FKTN: variants seen among roughly 807,000 people sequenced by gnomAD.
FKTN encodes fukutin.
In FKTN, 47 loss-of-function variants were observed where a neutral mutation model predicts 58.6. The observed-to-expected ratio is 0.80, with a 90% CI of 0.63 to 1.02. FKTN has a LOEUF of 1.02. FKTN is among the 50% of genes least tolerant of loss of function. The probability of loss-of-function intolerance (pLI) is 0.00; values close to 1 mark genes in which losing one functional copy is unlikely to be tolerated. For synonymous variants in FKTN, 178 were observed against 191.9 expected (o/e 0.93, Z 0.60); for missense variants, 516 against 537.3 (o/e 0.96, Z 0.39).
At chr9:105,583,154 G>A (rs1843322014) in intron 3 of FKTN, among the ~76,000 whole-genome samples, 1 of 152,188 alleles carries the variant, frequency 6.6e-6, no homozygotes. Flanking sequence ...TGGGTGTCAG[G>A]TCAGCTTACC....
chr9:105,601,412 T>C, intron 5 of FKTN, 64 bp downstream of exon 5: 1 of 1,158,368 alleles, frequency 8.6e-7, no homozygotes, highest in East Asian at 2.3e-5. Flanking sequence ...AGGTTTAGGC[T>C]AGTTTAAAAT....
intron 1 of FKTN, among the ~76,000 whole-genome samples, chr9:105,566,040 T>A (rs1424881862): frequency 2.6e-5 from 4 of 152,214 alleles, no homozygotes; most frequent in Non-Finnish European, 5.9e-5. Context: ...AACCTGCTCC[T>A]GAATGACTAC....
chr9:105,613,520 G>A (rs1200220492), intron 7 of FKTN, among the ~76,000 whole-genome samples: 1 of 152,172 alleles, frequency 6.6e-6, no homozygotes, highest in Non-Finnish European at 1.5e-5. Flanking sequence ...TTAGGATGTT[G>A]CAGGCCTGGG....
At chr9:105,610,531 A>T (rs970695065) in intron 7 of FKTN, among the ~76,000 whole-genome samples, 3 of 151,910 alleles carry the variant, frequency 2.0e-5, no homozygotes, top group African/African-American at 7.3e-5. Flanking sequence ...ATCTTCCAAC[A>T]CATGTCCTCC....
intron 4 of FKTN, among the ~76,000 whole-genome samples, chr9:105,600,505 G>T (rs1237595456): frequency 2.6e-5 from 4 of 151,710 alleles, no homozygotes; most frequent in African/African-American, 9.7e-5. Flanking sequence ...TTGAATTTTT[G>T]TTTTTTTCAG....
chr9:105,592,951 C>T (rs1845170567), intron 3 of FKTN, among the ~76,000 whole-genome samples: 1 of 152,214 alleles, frequency 6.6e-6, no homozygotes. Flanking sequence ...TTGCCTATTA[C>T]CCAGTTCCAA....
At chr9:105,629,129 C>T (rs772275037) in intron 10 of FKTN, among the ~76,000 whole-genome samples, 16 of 151,978 alleles carry the variant, frequency 1.1e-4, no homozygotes, top group African/African-American at 2.4e-4. Context: ...GGGGAAGACC[C>T]GGTGAGAGGA....
In FKTN at chr9:105,639,001, T is replaced by C. The variant is rs1834246783; in HGVS notation, c.*3737T>C. On this transcript the variant is annotated 3_prime_UTR_variant, in exon 11 of 11. Transcript: ENST00000357998. ...CTTCAGTCTAAAATCTCACCCAAAC[T>C]TATGGCTACATATTTTTCTAAGTTT... is the stretch of plus-strand genomic sequence containing the variant. The C allele has an allele frequency of 1.0e-6, 1 of 985,250 alleles. No homozygotes were observed. The highest frequency in any genetic ancestry group is 1.7e-5 in the African/African-American group (1 of 57,224). 61.0% of individuals were successfully genotyped at this position (985,250 alleles called of 1,614,324 possible).
At chr9:105,579,568 G>GGA (rs1279666033) in intron 3 of FKTN, among the ~76,000 whole-genome samples, 2 of 151,146 alleles carry the variant, frequency 1.3e-5, no homozygotes, top group African/African-American at 4.9e-5. Flanking sequence ...CATTTGCTGA[G>GGA]GAGAGCTTTA....
intron 10 of FKTN, chr9:105,623,099 C>T (rs1832236628): frequency 6.6e-6 from 1 of 152,098 alleles, no homozygotes; most frequent in Admixed American, 6.6e-5. Context: ...ACTATGCCTC[C>T]AGAATGTGAA....
Position 105,639,554 on chromosome 9 carries a change from T to C in FKTN, c.*4290T>C, listed in dbSNP as rs1588333768. The C allele has an allele frequency of 1.0e-6, 1 of 976,308 alleles. No individual in the cohort carries two copies. Among genetic ancestry groups the C allele is most frequent in the East Asian group, 1.1e-4 (1 of 8,768 alleles). 60.5% of individuals were successfully genotyped at this position (976,308 alleles called of 1,614,324 possible). On this transcript the variant is annotated 3_prime_UTR_variant, in exon 11 of 11. Coordinates refer to ENST00000357998, the MANE Select transcript of FKTN (RefSeq NM_001079802.2). Reference sequence around the variant, plus strand: ...ATGTGCAATTTTCTAGTTCCATGTTTCTTTTCTAATCTTCAAATGGAATTA... The same window carrying C: ...ATGTGCAATTTTCTAGTTCCATGTTCCTTTTCTAATCTTCAAATGGAATTA...
rs1366758117 is a variant in FKTN, at chr9:105,639,190, C to A, written c.*3926C>A. On this transcript the variant is annotated 3_prime_UTR_variant, in exon 11 of 11. Coordinates refer to ENST00000357998, the MANE Select transcript of FKTN (RefSeq NM_001079802.2). ...ATAGCTTTAATGCATGGAAAAACTT[C>A]AGTTACTGACCAGTCAAGAGAATTT... is the stretch of plus-strand genomic sequence containing the variant. 1.4e-5 allele frequency: 14 copies of A among 985,112 alleles called. No homozygotes were observed. The highest frequency in any genetic ancestry group is 1.7e-5 in the African/African-American group (1 of 57,218). 61.0% of individuals were successfully genotyped at this position (985,112 alleles called of 1,614,324 possible).
In FKTN at chr9:105,638,157, C is replaced by G. The variant is rs572358107; in HGVS notation, c.*2893C>G. ...GAACAAGAACAGCTGAGGCTAAAAC[C>G]CAAGACTGCCGTGACTCCTAGTCCA... On this transcript the variant is annotated 3_prime_UTR_variant, in exon 11 of 11. Coordinates refer to ENST00000357998, the MANE Select transcript of FKTN (RefSeq NM_001079802.2). 1.0e-5 allele frequency: 10 copies of G among 985,166 alleles called. No homozygotes were observed. In the African/African-American group the frequency reaches 1.6e-4, roughly 15 times the overall value. 61.0% of individuals were successfully genotyped at this position (985,166 alleles called of 1,614,324 possible).
chr9:105,587,515 T>G (rs1322208178), intron 3 of FKTN, among the ~76,000 whole-genome samples: 1 of 152,168 alleles, frequency 6.6e-6, no homozygotes, highest in East Asian at 1.9e-4. Context: ...TTTTTCACTT[T>G]TGGGCTTCTT....
intron 1 of FKTN, among the ~76,000 whole-genome samples, chr9:105,566,794 A>G (rs1839710672): frequency 6.6e-6 from 1 of 152,232 alleles, no homozygotes; most frequent in Non-Finnish European, 1.5e-5. Flanking sequence ...AACTCATTTT[A>G]TGAGGCCAGC....
intron 1 of FKTN, 45 bp downstream of exon 1, chr9:105,558,210 G>C (rs1172130049): frequency 2.0e-5 from 3 of 152,296 alleles, no homozygotes; most frequent in African/African-American, 7.2e-5. Context: ...ATGGGTGGGC[G>C]CCTTCAGACA....
At chr9:105,575,173 T>C (rs1841441833) in intron 3 of FKTN, 36 bp downstream of exon 3, 1 of 1,107,596 alleles carries the variant, frequency 9.0e-7, no homozygotes, top group South Asian at 1.2e-5. Flanking sequence ...ATTCCTCCTT[T>C]CTTATCATTG....
intron 1 of FKTN, among the ~76,000 whole-genome samples, chr9:105,559,843 G>A (rs1270655729): frequency 6.6e-6 from 1 of 152,106 alleles, no homozygotes; most frequent in Admixed American, 6.5e-5. Context: ...TTGGTTTCAG[G>A]GAGAGATTGT....
At chr9:105,592,617 A>G (rs533692341) in intron 3 of FKTN, among the ~76,000 whole-genome samples, 1 of 152,298 alleles carries the variant, frequency 6.6e-6, no homozygotes, top group Non-Finnish European at 1.5e-5. Context: ...AGCTTGGGCA[A>G]CAAGAGTGAA....
Sources: gnomAD v4.1 joint callset for allele counts (sites outside exome capture counted in the v4.1 genomes callset) on GRCh38, gnomAD v4.1.1 for gene constraint, MANE v1.5 for transcripts, NCBI Gene and HGNC (gene_info 2026-07-23, HGNC 2026-07-21) for gene names.